The following ANAPC1 variants were observed in gnomAD, a reference collection of about 807,000 sequenced individuals.
ANAPC1 encodes anaphase-promoting complex subunit 1.
In ANAPC1, 36 loss-of-function variants were observed where a neutral mutation model predicts 208.0. The observed-to-expected ratio is 0.17, with a 90% confidence interval of 0.13 to 0.23. The LOEUF is 0.23. ANAPC1 is among the 10% of genes least tolerant of loss of function. The probability of loss-of-function intolerance (pLI) is 1.00; values close to 1 mark genes in which losing one functional copy is unlikely to be tolerated. For synonymous variants in ANAPC1, 378 were observed against 695.2 expected, an observed-to-expected ratio of 0.54 and a Z score of 7.18; for missense variants, 942 against 2,011.6, an observed-to-expected ratio of 0.47 and a Z score of 10.17.
At chr2:111,846,116 T>A (rs113401001) in intron 16 of ANAPC1, among the ~76,000 whole-genome samples, 22,626 of 152,168 alleles carry the variant, frequency 0.15, 2,170 homozygotes, top group Middle Eastern at 0.29. Flanking sequence ...GCTTTGGCAG[T>A]TAGATTTGAA....
intron 5 of ANAPC1, 177 bp downstream of exon 5, chr2:111,873,131 T>G (rs1682846014): frequency 5.8e-6 from 4 of 691,948 alleles, no homozygotes; most frequent in Non-Finnish European, 9.0e-6. Context: ...ATAACTTATT[T>G]TCTTGTGAAG....
chr2:111,824,848 A>G, intron 24 of ANAPC1, 118 bp downstream of exon 24: 1 of 1,051,954 alleles, frequency 9.5e-7, no homozygotes, highest in Admixed American at 2.3e-5. Context: ...GATGAACCAT[A>G]ATCTCAATCT....
chr2:111,851,554 C>G (rs1057336037), intron 13 of ANAPC1, among the ~76,000 whole-genome samples: 4 of 152,076 alleles, frequency 2.6e-5, no homozygotes, highest in Non-Finnish European at 1.5e-5. Context: ...CGCCTGTAAT[C>G]CTAACACTTT....
chr2:111,853,890 G>T (rs568281238), intron 13 of ANAPC1, among the ~76,000 whole-genome samples: 2 of 152,054 alleles, frequency 1.3e-5, no homozygotes, highest in East Asian at 3.9e-4. Context: ...CTAATTTTTT[G>T]TACTTTTAGT....
intron 2 of ANAPC1, among the ~76,000 whole-genome samples, chr2:111,880,137 G>A (rs1322930991): frequency 6.6e-6 from 1 of 152,142 alleles, no homozygotes; most frequent in Non-Finnish European, 1.5e-5. Context: ...ACTTTGGGAG[G>A]CCGAGGCGGG....
chr2:111,871,260 T>C (rs1186422448), intron 6 of ANAPC1, among the ~76,000 whole-genome samples: 2 of 152,224 alleles, frequency 1.3e-5, no homozygotes, highest in Non-Finnish European at 2.9e-5. Flanking sequence ...AATCTATAGA[T>C]TGCTTTTGGC....
chr2:111,881,965 A>G (rs1683321549), intron 1 of ANAPC1, among the ~76,000 whole-genome samples: 1 of 152,186 alleles, frequency 6.6e-6, no homozygotes, highest in Admixed American at 6.5e-5. Context: ...CAGGCGGATC[A>G]CTAGGTCAGG....
At chr2:111,845,289 G>A (rs1168038561) in intron 16 of ANAPC1, among the ~76,000 whole-genome samples, 3 of 152,220 alleles carry the variant, frequency 2.0e-5, no homozygotes, top group Non-Finnish European at 4.4e-5. Flanking sequence ...CAATGTTTGT[G>A]TACTCACATA....
At chr2:111,784,519 TG>T (rs1193053551) in intron 40 of ANAPC1, 119 bp from the exon 41 acceptor site, 1 of 1,351,626 alleles carries the variant, frequency 7.4e-7, no homozygotes, top group Non-Finnish European at 1.0e-6. Flanking sequence ...GACCTTTAAA[TG>T]GTATAAAATC....
At chr2:111,769,810 AGCTGGGACTACAGGT>A (rs1403691634) in intron 47 of ANAPC1, among the ~76,000 whole-genome samples, 1 of 145,582 alleles carries the variant, frequency 6.9e-6, no homozygotes, top group Non-Finnish European at 1.5e-5. Flanking sequence ...CCCCCCGAGT[AGCTGGGACTACAGGT>A]GCCCACCACC....
chr2:111,841,037 C>T (rs1489619494), intron 17 of ANAPC1, among the ~76,000 whole-genome samples: 1 of 152,126 alleles, frequency 6.6e-6, no homozygotes. Context: ...AGCGAAACCC[C>T]GTCTTAAAAA....
intron 43 of ANAPC1, among the ~76,000 whole-genome samples, chr2:111,781,536 C>T (rs1392706356): frequency 2.6e-5 from 4 of 152,260 alleles, no homozygotes; most frequent in Non-Finnish European, 4.4e-5. Flanking sequence ...CTGCTGTCTC[C>T]GTACTTGGAA....
chr2:111,789,115 G>A (rs2104517866), intron 38 of ANAPC1, among the ~76,000 whole-genome samples: 1 of 152,320 alleles, frequency 6.6e-6, no homozygotes, highest in African/African-American at 2.4e-5. Flanking sequence ...TCCAGCCTGG[G>A]CGAAAGAGCG....
intron 21 of ANAPC1, among the ~76,000 whole-genome samples, 178 bp downstream of exon 21, chr2:111,831,108 G>C (rs929690363): frequency 1.3e-5 from 2 of 152,208 alleles, no homozygotes; most frequent in Non-Finnish European, 2.9e-5. Flanking sequence ...GAAATCATGA[G>C]AGAAATTTTT....
intron 21 of ANAPC1, among the ~76,000 whole-genome samples, chr2:111,829,895 C>T (rs4095915): frequency 2.6e-5 from 4 of 151,842 alleles, no homozygotes; most frequent in African/African-American, 4.8e-5. Context: ...TATGGTGAAA[C>T]CCCGTCTCTA....
intron 8 of ANAPC1, among the ~76,000 whole-genome samples, chr2:111,864,431 A>G (rs1385994723): frequency 8.3e-5 from 12 of 144,566 alleles, no homozygotes; most frequent in African/African-American, 2.8e-4. Context: ...TGAGGGTATG[A>G]AGTATTAACT....
chr2:111,843,451 C>T lies in ANAPC1; in HGVS notation c.2001G>A (p.Met667Ile). ...CTAAGCGGTCTGTGTTATAACCCATCATGTTCATGAGACAAGTCACAAATA... is the reference window on the plus strand; with the variant it reads ...CTAAGCGGTCTGTGTTATAACCCATTATGTTCATGAGACAAGTCACAAATA... ...WNLFVTCLMN[M>I]MGYNTDRLAW... is the part of the protein sequence containing the mutation. The change falls in exon 17 of 48, where the codon ATG becomes ATA. Residue 667 changes from methionine to isoleucine, a missense_variant. Met to Ile is a conservative substitution (Grantham distance 10). Coordinates refer to ENST00000341068, the MANE Select transcript of ANAPC1 (RefSeq NM_022662.4). 6.2e-7 allele frequency: 1 copy of T among 1,611,968 alleles called. No homozygotes were observed. The highest frequency in any genetic ancestry group is 2.3e-4 in the Middle Eastern group (1 of 4,430).
At position 111,784,543 on chromosome 2, in the gene ANAPC1, C is replaced by CT. The variant is rs201500203; in HGVS notation, c.4918-144_4918-143insA. The CT allele has an allele frequency of 6.0e-3, 6,614 of 1,102,242 alleles. 156 individuals are homozygous for CT. The East Asian group carries it at 0.078, about 13-fold the overall frequency. 68.3% of individuals were successfully genotyped at this position (1,102,242 alleles called of 1,614,324 possible). The stretch of plus-strand genomic sequence containing the variant: ...ATGGTATAAAATCCTCTCTGGTACT[C>CT]AAATCTTAAAGGACTGATGTCTAAA... On this transcript the variant is annotated intron_variant, in intron 40 of 47. Coordinates refer to ENST00000341068, the MANE Select transcript of ANAPC1 (RefSeq NM_022662.4).
chr2:111,835,739 G>A (rs1422957560), intron 18 of ANAPC1, among the ~76,000 whole-genome samples: 2 of 152,152 alleles, frequency 1.3e-5, no homozygotes, highest in African/African-American at 4.8e-5. Context: ...CTATTGGGGA[G>A]GCTGAGGCAG....
Sources: gnomAD v4.1 joint callset for allele counts (sites outside exome capture counted in the v4.1 genomes callset) on GRCh38, gnomAD v4.1.1 for gene constraint, MANE v1.5 for transcripts, NCBI Gene and HGNC (gene_info 2026-07-23, HGNC 2026-07-21) for gene names.